The following GPRC5B variants were observed in gnomAD, a reference collection of about 807,000 sequenced individuals.
GPRC5B encodes the protein G protein-coupled receptor family C group 5 member B.
Under a neutral mutation model 30.1 loss-of-function variants are expected in GPRC5B, and 16 were observed. The ratio of observed to expected loss-of-function variants is 0.53; its 90% CI spans 0.36 to 0.81. GPRC5B has a LOEUF of 0.81. Among genes scored for constraint, GPRC5B ranks in the 30% least tolerant of loss-of-function variants. GPRC5B has a pLI of 0.01. For synonymous variants in GPRC5B, 241 were observed against 239.5 expected, an observed-to-expected ratio of 1.01 and a Z score of -0.06; for missense variants, 428 against 544.7, an observed-to-expected ratio of 0.79 and a Z score of 2.13.
chr16:19,883,138 G>A (rs1284055219), intron 1 of GPRC5B, among the ~76,000 whole-genome samples: 1 of 152,224 alleles, frequency 6.6e-6, no homozygotes, highest in Admixed American at 6.5e-5. Context: ...CCCCGGGAGA[G>A]CAGGGGTTTT....
At chr16:19,879,453 A>G (rs529704294) in intron 1 of GPRC5B, among the ~76,000 whole-genome samples, 13 of 151,932 alleles carry the variant, frequency 8.6e-5, no homozygotes, top group East Asian at 3.9e-4. Context: ...ACACACACAC[A>G]CGCGCATGCA....
intron 2 of GPRC5B, among the ~76,000 whole-genome samples, chr16:19,870,222 C>T (rs778423526): frequency 5.3e-5 from 8 of 152,168 alleles, no homozygotes; most frequent in Non-Finnish European, 1.2e-4. Flanking sequence ...CCCTGTTGCC[C>T]GTGGTAGTAA....
rs146737474 is a variant in GPRC5B at position 19,861,948 on chromosome 16, G to A, written c.1056C>T (p.Asn352=). The change falls in exon 3 of 4, where the codon AAC becomes AAT. Residue 352 remains asparagine (N), a synonymous_variant. Transcript: ENST00000300571. ...CACTGGGTCTTTTTCCCAAGCTGCC[G>A]TTGGGAAATCCTGCTGTTCGGAGAG... ...NAALRTAGFP[N]GSLGKRPSGS... 5.2e-4 allele frequency: 837 copies of A among 1,613,278 alleles called. No individual in the cohort carries two copies. The highest frequency in any genetic ancestry group is 6.9e-4 in the Non-Finnish European group (809 of 1,179,438).
chr16:19,868,507 A>G (rs1281374891), intron 2 of GPRC5B, among the ~76,000 whole-genome samples: 1 of 152,194 alleles, frequency 6.6e-6, no homozygotes, highest in Non-Finnish European at 1.5e-5. Context: ...GAACCCAGGA[A>G]CTGACCAGCT....
chr16:19,866,011 C>T (rs949824329), intron 2 of GPRC5B, among the ~76,000 whole-genome samples: 2 of 152,184 alleles, frequency 1.3e-5, no homozygotes, highest in Admixed American at 6.5e-5. Context: ...CTCACTGCAA[C>T]CTCCGCTTCC....
chr16:19,876,172 C>T (rs2056757947), intron 1 of GPRC5B, among the ~76,000 whole-genome samples: 1 of 152,266 alleles, frequency 6.6e-6, no homozygotes, highest in Admixed American at 6.5e-5. Flanking sequence ...TCCCCAACCC[C>T]TCCTCACCCA....
chr16:19,867,789 C>T (rs1015439966), intron 2 of GPRC5B, among the ~76,000 whole-genome samples: 2 of 147,614 alleles, frequency 1.4e-5, no homozygotes, highest in East Asian at 4.1e-4. Flanking sequence ...TGGTGGCTCA[C>T]GCCTGTAATC....
chr16:19,866,336 A>C (rs2056666547), intron 2 of GPRC5B, among the ~76,000 whole-genome samples: 1 of 151,820 alleles, frequency 6.6e-6, no homozygotes, highest in African/African-American at 2.4e-5. Flanking sequence ...GGATTTTAAG[A>C]AATTTTTGTT....
chr16:19,878,218 A>AACAT (rs1158134879), intron 1 of GPRC5B, among the ~76,000 whole-genome samples: 1 of 148,146 alleles, frequency 6.8e-6, no homozygotes, highest in African/African-American at 2.5e-5. Flanking sequence ...CAAACAAACA[A>AACAT]ACAAACAAAA....
intron 2 of GPRC5B, 48 bp from the exon 3 acceptor site, chr16:19,862,021 C>T (rs1165287147): frequency 2.5e-6 from 4 of 1,607,658 alleles, no homozygotes; most frequent in African/African-American, 1.3e-5. Flanking sequence ...AAAAAAGACA[C>T]AATTTTGTTT....
At chr16:19,865,692 A>C (rs941607001) in intron 2 of GPRC5B, among the ~76,000 whole-genome samples, 13 of 152,228 alleles carry the variant, frequency 8.5e-5, no homozygotes, top group African/African-American at 2.9e-4. Context: ...TGTTCATTGC[A>C]GCACTGTTTA....
Position 19,872,034 on chromosome 16 carries a change from G to T in GPRC5B, c.812C>A (p.Thr271Asn). ...LQQGDAWNDP[T>N]LAITLAASGW... ...GCTGGCCGCCAGCGTGATGGCCAAG[G>T]TGGGGTCGTTCCAGGCATCCCCCTG... The change falls in exon 2 of 4, where the codon ACC (threonine) becomes AAC (asparagine). Residue 271 changes from threonine to asparagine, a missense_variant. This residue lies in a region of GPRC5B where 213 missense variants were observed against 229.1 expected (regional missense o/e 0.93). Transcript: ENST00000300571. The surrounding 1 kb of genome is among the most constrained non-coding windows in gnomAD (Gnocchi z 5.0). 6.2e-7 allele frequency: 1 copy of T among 1,614,068 alleles called. No homozygotes were observed. Among genetic ancestry groups the T allele is most frequent in the Non-Finnish European group, 8.5e-7 (1 of 1,180,004 alleles).
chr16:19,863,588 G>A (rs979161025), intron 2 of GPRC5B, among the ~76,000 whole-genome samples: 2 of 146,134 alleles, frequency 1.4e-5, no homozygotes, highest in African/African-American at 5.1e-5. Context: ...ACCTCCACCT[G>A]CCAGATTCCA....
chr16:19,862,300 C>T, intron 2 of GPRC5B: 1 of 307,118 alleles, frequency 3.3e-6, no homozygotes, highest in Non-Finnish European at 6.2e-6. Context: ...CTACAGAAAG[C>T]CATTCATGTA....
chr16:19,883,387 A>G (rs899191391), intron 1 of GPRC5B, among the ~76,000 whole-genome samples: 1 of 152,180 alleles, frequency 6.6e-6, no homozygotes, highest in Admixed American at 6.5e-5. Context: ...TTAGATACCA[A>G]ACTGGCCGGG....
intron 2 of GPRC5B, among the ~76,000 whole-genome samples, chr16:19,865,512 T>G (rs180845466): frequency 2.7e-4 from 41 of 152,352 alleles, no homozygotes; most frequent in Non-Finnish European, 5.0e-4. Flanking sequence ...AAAACTGGCT[T>G]TATTATACAT....
At position 19,860,327 on chromosome 16, in the gene GPRC5B, TTCAGTTCG is replaced by T. The variant is rs764688604; in HGVS notation, c.*165_*172del. On this transcript the variant is annotated 3_prime_UTR_variant, in exon 4 of 4. Coordinates refer to ENST00000300571, the MANE Select transcript of GPRC5B (RefSeq NM_016235.3). The stretch of plus-strand genomic sequence containing the variant: ...AGGGGCGGGCAGTCGGTGTTAGCTT[TTCAGTTCG>T]TCAGTGTTCACATTTACACGAAATC... The T allele has an allele frequency of 4.5e-5, 27 of 593,646 alleles. No individual in the cohort carries two copies. Among genetic ancestry groups the T allele is most frequent in the Non-Finnish European group, 7.5e-5 (25 of 332,008 alleles). 36.8% of individuals were successfully genotyped at this position (593,646 alleles called of 1,614,324 possible).
At chr16:19,885,013 G>A, upstream of GPRC5B, 1 of 556,166 alleles carries the variant, frequency 1.8e-6, no homozygotes, top group Non-Finnish European at 2.5e-6. This position sits in a 1 kb window ranked among gnomAD's most constrained non-coding sequence, Gnocchi z 5.3. Context: ...GGCGCCGTCT[G>A]CATGCACCCC....
At chr16:19,884,907 G>A (rs1189736577), upstream of GPRC5B, 1 of 967,740 alleles carries the variant, frequency 1.0e-6, no homozygotes, top group Non-Finnish European at 1.2e-6. Context: ...CTGCTGCAGC[G>A]GCCGCGGCCC....
Sources: gnomAD v4.1 joint callset for allele counts (sites outside exome capture counted in the v4.1 genomes callset) on GRCh38, gnomAD v4.1.1 for gene constraint, gnomAD v4.1.1 regional missense constraint, Gnocchi (gnomAD v3.1) non-coding constraint, MANE v1.5 for transcripts, NCBI Gene and HGNC (gene_info 2026-07-23, HGNC 2026-07-21) for gene names.